MYO16: variants seen among roughly 807,000 people sequenced by gnomAD.
MYO16 encodes unconventional myosin-XVI.
In MYO16, 94 loss-of-function variants were observed where a neutral mutation model predicts 205.3. The observed-to-expected ratio is 0.46, with a 90% CI of 0.39 to 0.54. The LOEUF is 0.54. MYO16 is among the 20% of genes least tolerant of loss of function. The pLI is 0.00. For missense variants in MYO16, 2,315 were observed against 2,387.5 expected (o/e 0.97, Z 0.63); for synonymous variants, 988 against 954.0 (o/e 1.04, Z -0.66).
chr13:108,644,772 A>T (rs182356306), intron 1 of MYO16, among the ~76,000 whole-genome samples: 30 of 152,292 alleles, frequency 2.0e-4, no homozygotes, highest in African/African-American at 5.5e-4. Flanking sequence ...GGCCATAGAA[A>T]GACAAATCTG....
chr13:108,665,870 C>A lies in MYO16; in HGVS notation c.29-16C>A. 1 of 1,610,168 alleles carries A rather than the reference C, an allele frequency of 6.2e-7. No individual in the cohort carries two copies. Among genetic ancestry groups the A allele is most frequent in the South Asian group, 1.1e-5 (1 of 90,364 alleles). On this transcript the variant is annotated splice_polypyrimidine_tract_variant and intron_variant, in intron 1 of 34. Coordinates refer to ENST00000457511, the MANE Select transcript of MYO16 (RefSeq NM_001198950.3). ...TAATAATAGGTCTGGTGACGCTCCC[C>A]TTGCATTTCTTCCAGGTTGCTTTCA...
intron 25 of MYO16, among the ~76,000 whole-genome samples, chr13:109,053,961 A>G (rs1887331979): frequency 6.6e-6 from 1 of 152,124 alleles, no homozygotes; most frequent in Non-Finnish European, 1.5e-5. Flanking sequence ...TATTGTCATA[A>G]TAGCAAAAGC....
intron 6 of MYO16, among the ~76,000 whole-genome samples, chr13:108,799,818 C>T (rs752101787): frequency 6.6e-6 from 1 of 152,148 alleles, no homozygotes; most frequent in African/African-American, 2.4e-5. Context: ...TTCCTCTTGG[C>T]GCTTTTCTTC....
chr13:108,824,364 T>C (rs1263677380), intron 9 of MYO16, among the ~76,000 whole-genome samples: 2 of 152,040 alleles, frequency 1.3e-5, no homozygotes, highest in Non-Finnish European at 1.5e-5. Flanking sequence ...GAAATACCCA[T>C]GGTGAAAATG....
Position 109,206,609 on chromosome 13 carries a change from G to A in MYO16, c.5416G>A (p.Val1806Ile), listed in dbSNP as rs1880606656. 1 of 1,610,042 alleles carries A rather than the reference G, an allele frequency of 6.2e-7. No homozygotes were observed. Among genetic ancestry groups the A allele is most frequent in the Non-Finnish European group, 8.5e-7 (1 of 1,176,824 alleles). ...TTTTCTGCCCCTCTTCCTCCCACAG[G>A]TAATCCATCAGCTGAGGCTCTCAGA... is the stretch of plus-strand genomic sequence containing the variant. ...QRHRDSHTTQ[V>I]IHQLRLSENE... is the part of the protein sequence containing the mutation. The change falls in exon 35 of 35, where the codon GTA becomes ATA. Residue 1806 changes from valine to isoleucine, a missense_variant and splice_region_variant. Val to Ile is a conservative substitution (Grantham distance 29). Around this residue, in one of 3 missense-constraint regions of MYO16, gnomAD observed 1,097 missense variants for 1,092.0 expected, o/e 1.00. Coordinates refer to ENST00000457511, the MANE Select transcript of MYO16 (RefSeq NM_001198950.3).
chr13:108,594,531 G>A (rs552434178), upstream of MYO16, among the ~76,000 whole-genome samples: 21 of 152,290 alleles, frequency 1.4e-4, no homozygotes, highest in Non-Finnish European at 2.6e-4. Context: ...CCCTAGCCAG[G>A]TGATTATTAC....
chr13:108,855,157 A>G, intron 10 of MYO16: 1 of 274,938 alleles, frequency 3.6e-6, no homozygotes, highest in South Asian at 1.2e-4. Context: ...AAAAGTCAAC[A>G]TGCTGAACTC....
the MYO16 span, among the ~76,000 whole-genome samples, chr13:108,553,005 C>CTTTT: frequency 9.3e-5 from 6 of 64,846 alleles, no homozygotes; most frequent in African/African-American, 2.5e-4. Context: ...CTTTAATACT[C>CTTTT]TTTTTTTTTT....
intron 21 of MYO16, among the ~76,000 whole-genome samples, chr13:108,993,848 A>T (rs1467034361): frequency 6.6e-6 from 1 of 152,122 alleles, no homozygotes; most frequent in Non-Finnish European, 1.5e-5. Flanking sequence ...ATCAGTAGAG[A>T]TTCCTTATGT....
chr13:108,907,179 A>G (rs1157742), intron 15 of MYO16, among the ~76,000 whole-genome samples: 91,553 of 151,934 alleles, frequency 0.6, 27,837 homozygotes, highest in East Asian at 0.71. Flanking sequence ...TTGAAAGAGC[A>G]AAGTTTATTT....
At chr13:108,982,335 A>G (rs1884473620) in intron 20 of MYO16, among the ~76,000 whole-genome samples, 1 of 152,230 alleles carries the variant, frequency 6.6e-6, no homozygotes, top group Non-Finnish European at 1.5e-5. Flanking sequence ...ATCTCATAGC[A>G]TCATATTATC....
the MYO16 span, among the ~76,000 whole-genome samples, chr13:108,507,469 T>A: frequency 4.5e-4 from 68 of 152,276 alleles, no homozygotes; most frequent in African/African-American, 1.3e-3. Context: ...CTGTAAGATT[T>A]CTGCTGAGAA....
At chr13:109,017,345 G>A (rs942292567) in intron 22 of MYO16, among the ~76,000 whole-genome samples, 11 of 152,180 alleles carry the variant, frequency 7.2e-5, no homozygotes, top group Non-Finnish European at 1.5e-4. Flanking sequence ...CTGTTAGTCT[G>A]ATGGGCTTCC....
At chr13:108,677,340 TATATATATATATATGC>T (rs1349474911) in intron 2 of MYO16, among the ~76,000 whole-genome samples, 35 of 95,654 alleles carry the variant, frequency 3.7e-4, no homozygotes, top group African/African-American at 1.4e-3. Context: ...TGTGTGTATA[TATATATATATATATGC>T]ATATATATAT....
chr13:109,092,558 C>A (rs1888655196), intron 27 of MYO16, among the ~76,000 whole-genome samples: 1 of 151,918 alleles, frequency 6.6e-6, no homozygotes, highest in African/African-American at 2.4e-5. Flanking sequence ...GAGAAGGGAA[C>A]CACAGACACT....
At position 108,854,273 on chromosome 13, in the gene MYO16, G is replaced by T. The variant is rs117992342; in HGVS notation, c.1249-1170G>T. Among the ~76,000 whole-genome samples the T allele has an allele frequency of 0.02, 3,116 of 152,142 alleles. 197 individuals are homozygous for T. In the East Asian group the frequency reaches 0.21, roughly 10 times the overall value. ...CAGTCTCCCTGTGCTGGGATTACAG[G>T]TGTAAGCCACCACACCGGCCTGTGT... On this transcript the variant is annotated intron_variant, in intron 10 of 34. Transcript: ENST00000457511.
At chr13:108,823,021 T>C (rs1050513178) in intron 8 of MYO16, 104 bp from the exon 9 acceptor site, 7 of 1,134,186 alleles carry the variant, frequency 6.2e-6, no homozygotes, top group Non-Finnish European at 8.7e-6. Context: ...CATACATTGA[T>C]AAATTTTTAG....
At chr13:108,699,805 C>CA (rs1883230261) in intron 2 of MYO16, among the ~76,000 whole-genome samples, 1 of 152,016 alleles carries the variant, frequency 6.6e-6, no homozygotes, top group Non-Finnish European at 1.5e-5. Flanking sequence ...TCATCTTCAG[C>CA]AAAAAATAAT....
rs1251804947 is a variant in MYO16 at position 109,055,085 on chromosome 13, T to C, written c.3088T>C (p.Leu1030=). ...KKGTSTFLQR[L]ERGDPVTIAS... is the part of the protein sequence containing the mutation. ...AGGAACTTCTACATTTCTTCAAAGA[T>C]TGGAACGAGGAGATCCAGTCACCAT... Residue 1030 remains leucine, a synonymous_variant, in exon 26 of 35, where the codon TTG becomes CTG. Coordinates refer to ENST00000457511, the MANE Select transcript of MYO16 (RefSeq NM_001198950.3). The surrounding 1 kb of genome is among the most constrained non-coding windows in gnomAD (Gnocchi z 5.0). 2 of 1,587,364 alleles carry C rather than the reference T, an allele frequency of 1.3e-6. No homozygotes were observed. The highest frequency in any genetic ancestry group is 2.7e-5 in the African/African-American group (2 of 72,986).
Sources: gnomAD v4.1 joint callset for allele counts (sites outside exome capture counted in the v4.1 genomes callset) on GRCh38, gnomAD v4.1.1 for gene constraint, gnomAD v4.1.1 regional missense constraint, Gnocchi (gnomAD v3.1) non-coding constraint, MANE v1.5 for transcripts, NCBI Gene and HGNC (gene_info 2026-07-23, HGNC 2026-07-21) for gene names.